UST: variants seen among roughly 807,000 people sequenced by gnomAD.
UST encodes the protein uronyl 2-sulfotransferase.
A neutral mutation model predicts 45.6 loss-of-function variants in UST; 21 were observed. The observed-to-expected ratio is 0.46, with a 90% CI of 0.33 to 0.66. UST has a LOEUF of 0.66. UST is among the 30% of genes least tolerant of loss of function. UST has a pLI of 0.02. For synonymous variants in UST, 215 were observed against 200.6 expected, an observed-to-expected ratio of 1.07 and a Z score of -0.61; for missense variants, 463 against 512.4, an observed-to-expected ratio of 0.90 and a Z score of 0.93.
chr6:149,008,065 G>T (rs1004665875), intron 5 of UST, among the ~76,000 whole-genome samples: 6 of 152,084 alleles, frequency 3.9e-5, no homozygotes, highest in African/African-American at 1.4e-4. Flanking sequence ...TGCTGGTTAT[G>T]GTGCCTTGCT....
intron 5 of UST, among the ~76,000 whole-genome samples, chr6:148,978,255 A>G (rs1171129247): frequency 6.6e-6 from 1 of 152,188 alleles, no homozygotes; most frequent in Non-Finnish European, 1.5e-5. Context: ...AGTGTTAAAT[A>G]TAATGTTGAT....
At chr6:148,829,902 G>A (rs1334405023) in intron 1 of UST, among the ~76,000 whole-genome samples, 1 of 152,126 alleles carries the variant, frequency 6.6e-6, no homozygotes, top group African/African-American at 2.4e-5. Context: ...TTCATAGTTT[G>A]TGACTTAAAG....
intron 1 of UST, among the ~76,000 whole-genome samples, chr6:148,863,723 A>T (rs550559712): frequency 2.6e-5 from 4 of 152,320 alleles, no homozygotes; most frequent in African/African-American, 9.6e-5. Flanking sequence ...TCCTTCTAAC[A>T]GTCAGGACCC....
chr6:149,018,649 G>C (rs76126055), intron 5 of UST, among the ~76,000 whole-genome samples: 1 of 152,132 alleles, frequency 6.6e-6, no homozygotes, highest in African/African-American at 2.4e-5. Flanking sequence ...AGCTAATATA[G>C]TGTTAGAAGT....
At chr6:149,008,231 T>C (rs1047381487) in intron 5 of UST, among the ~76,000 whole-genome samples, 1 of 152,220 alleles carries the variant, frequency 6.6e-6, no homozygotes. Context: ...CATGTGAAAA[T>C]GTTGCATTAA....
At chr6:149,061,657 G>A (rs918463116) in intron 7 of UST, among the ~76,000 whole-genome samples, 6 of 152,330 alleles carry the variant, frequency 3.9e-5, no homozygotes, top group South Asian at 2.1e-4. Context: ...CTGGTGCCGG[G>A]CAGAGATGTG....
intron 1 of UST, among the ~76,000 whole-genome samples, chr6:148,884,528 C>T (rs1389662391): frequency 4.6e-5 from 7 of 152,134 alleles, no homozygotes; most frequent in African/African-American, 1.4e-4. Context: ...AAAGGCCCCT[C>T]ATTGACAAGA....
intron 1 of UST, among the ~76,000 whole-genome samples, chr6:148,882,105 A>T (rs1009494894): frequency 3.3e-5 from 5 of 152,140 alleles, no homozygotes; most frequent in African/African-American, 1.2e-4. Flanking sequence ...CTGGTGAGAT[A>T]ACCGAGATAA....
chr6:149,005,501 T>C, intron 5 of UST: 2 of 985,436 alleles, frequency 2.0e-6, no homozygotes, highest in Non-Finnish European at 2.4e-6. Flanking sequence ...ACTTTGCTCA[T>C]TTAATGAGAT....
At chr6:149,014,493 A>G (rs12205788) in intron 5 of UST, among the ~76,000 whole-genome samples, 34,356 of 152,128 alleles carry the variant, frequency 0.23, 4,005 homozygotes, top group Non-Finnish European at 0.25. Flanking sequence ...GGAAGAGAGT[A>G]TGCGATGTGG....
At chr6:148,802,449 G>A (rs571808665) in intron 1 of UST, among the ~76,000 whole-genome samples, 1 of 152,340 alleles carries the variant, frequency 6.6e-6, no homozygotes, top group South Asian at 2.1e-4. Context: ...GCTCAATGGA[G>A]CAAGACTTTG....
intron 1 of UST, among the ~76,000 whole-genome samples, chr6:148,848,058 G>A (rs1778032171): frequency 6.6e-6 from 1 of 152,122 alleles, no homozygotes; most frequent in African/African-American, 2.4e-5. Flanking sequence ...GGAATGATTG[G>A]CCCTGACCAG....
intron 2 of UST, among the ~76,000 whole-genome samples, chr6:148,925,514 G>A (rs577726782): frequency 6.6e-6 from 1 of 152,332 alleles, no homozygotes; most frequent in South Asian, 2.1e-4. Context: ...GGTTGCCAAT[G>A]TGTAGGTTGT....
At chr6:148,747,779 C>A in intron 1 of UST, 102 bp downstream of exon 1, 2 of 1,391,696 alleles carry the variant, frequency 1.4e-6, no homozygotes, top group Non-Finnish European at 1.9e-6. Flanking sequence ...CCGCGCGCCG[C>A]CGCCGCCCCG....
At position 148,861,707 on chromosome 6, in the gene UST, T is replaced by C. The variant is rs184779981; in HGVS notation, c.248-25279T>C. Among the ~76,000 whole-genome samples the C allele has an allele frequency of 6.6e-5, 10 of 152,352 alleles. No homozygotes were observed. The East Asian group carries it at 1.7e-3, about 26-fold the overall frequency. On this transcript the variant is annotated intron_variant, in intron 1 of 7. Transcript: ENST00000367463. ...ATTCTGGTATGTTGTGTCTTTGCTC[T>C]CATTGGTTTCAGGGAGCATCTTTAT...
intron 2 of UST, among the ~76,000 whole-genome samples, chr6:148,894,856 T>A (rs1051687344): frequency 1.4e-5 from 2 of 142,282 alleles, no homozygotes; most frequent in Non-Finnish European, 3.0e-5. Context: ...TCTCGCTCTA[T>A]TGCCAGGCTG....
chr6:148,963,628 A>T (rs1183689102), intron 4 of UST, among the ~76,000 whole-genome samples: 2 of 152,190 alleles, frequency 1.3e-5, no homozygotes, highest in African/African-American at 4.8e-5. Context: ...ATTTTGTTTC[A>T]TTCTTGATAT....
intron 5 of UST, among the ~76,000 whole-genome samples, chr6:148,965,546 A>G (rs17080690): frequency 0.052 from 7,971 of 152,244 alleles, 619 homozygotes; most frequent in African/African-American, 0.17. Flanking sequence ...GGAGAAAAGC[A>G]CCGAATCTCA....
At chr6:148,985,681 T>C (rs527689800) in intron 5 of UST, among the ~76,000 whole-genome samples, 4 of 152,178 alleles carry the variant, frequency 2.6e-5, no homozygotes, top group Non-Finnish European at 5.9e-5. Context: ...CTGGTCTGCA[T>C]TGGCCTGGTG....
Sources: gnomAD v4.1 joint callset for allele counts (sites outside exome capture counted in the v4.1 genomes callset) on GRCh38, gnomAD v4.1.1 for gene constraint, MANE v1.5 for transcripts, NCBI Gene and HGNC (gene_info 2026-07-23, HGNC 2026-07-21) for gene names.